SPON1: variants seen among roughly 807,000 people sequenced by gnomAD.
SPON1 encodes spondin-1.
Under a neutral mutation model 111.7 loss-of-function variants are expected in SPON1, and 52 were observed. The observed-to-expected ratio is 0.47, with a 90% CI of 0.37 to 0.59. The LOEUF (loss-of-function observed/expected upper bound fraction) is 0.59, where lower values mean the gene tolerates loss of function less well. SPON1 is among the 20% of genes least tolerant of loss of function. The pLI, the probability that SPON1 is intolerant of heterozygous loss-of-function variation, is 0.00. For synonymous variants in SPON1, 410 were observed against 395.8 expected (o/e 1.04, Z -0.43); for missense variants, 957 against 1,068.5 (o/e 0.90, Z 1.46).
chr11:13,973,517 C>T (rs968765870), intron 1 of SPON1, among the ~76,000 whole-genome samples: 1 of 152,192 alleles, frequency 6.6e-6, no homozygotes, highest in Non-Finnish European at 1.5e-5. Context: ...AGCTGTTCCA[C>T]GACGAGGTCA....
chr11:14,018,815 A>G (rs555682209), intron 2 of SPON1, among the ~76,000 whole-genome samples: 109 of 152,356 alleles, frequency 7.2e-4, no homozygotes, highest in Non-Finnish European at 1.3e-3. Context: ...CCAGTAGACC[A>G]GGCAAGTTCA....
At chr11:14,099,640 A>ATTTACATC (rs1366228547) in intron 5 of SPON1, among the ~76,000 whole-genome samples, 1 of 152,116 alleles carries the variant, frequency 6.6e-6, no homozygotes, top group Non-Finnish European at 1.5e-5. Context: ...GAGAGTTTTG[A>ATTTACATC]TTTACATCTT....
chr11:14,220,231 G>T (rs1848667000), intron 6 of SPON1, among the ~76,000 whole-genome samples: 1 of 152,182 alleles, frequency 6.6e-6, no homozygotes, highest in Admixed American at 6.5e-5. Flanking sequence ...GTGTGAGCCA[G>T]TTCCTCTGGT....
intron 5 of SPON1, among the ~76,000 whole-genome samples, chr11:14,130,328 G>A (rs936153926): frequency 3.3e-5 from 5 of 152,196 alleles, no homozygotes; most frequent in East Asian, 1.9e-4. Flanking sequence ...CTAGGTTGTG[G>A]TGGGTGCTGA....
At chr11:14,097,690 C>T (rs961428549) in intron 5 of SPON1, among the ~76,000 whole-genome samples, 4 of 152,168 alleles carry the variant, frequency 2.6e-5, no homozygotes, top group African/African-American at 7.2e-5. Context: ...GACTTGAACC[C>T]ATCCTTGAAC....
Position 14,135,646 on chromosome 11 carries a change from T to A in SPON1, c.825+78T>A. 1 of 1,461,290 alleles carries A rather than the reference T, an allele frequency of 6.8e-7. No homozygotes were observed. Among genetic ancestry groups the A allele is most frequent in the African/African-American group, 1.4e-5 (1 of 71,820 alleles). The allele number at this position is 1,461,290 out of a possible 1,614,324, so 90.5% of individuals were successfully genotyped here. Reference sequence around the variant, plus strand: ...CTCCTTAGATATCTTTCCCAGGGGCTTGAAATTTGCAGTACAATGTGGTGG... The same window carrying A: ...CTCCTTAGATATCTTTCCCAGGGGCATGAAATTTGCAGTACAATGTGGTGG... On this transcript the variant is annotated intron_variant, in intron 6 of 15. Coordinates refer to ENST00000576479, the MANE Select transcript of SPON1 (RefSeq NM_006108.4). The surrounding 1 kb of genome is among the most constrained non-coding windows in gnomAD (Gnocchi z 4.4).
chr11:14,039,245 C>G lies in SPON1; in HGVS notation c.346-2276C>G, dbSNP rs114027050. Among the ~76,000 whole-genome samples the G allele has an allele frequency of 7.4e-3, 1,124 of 152,264 alleles. 17 individuals carry two copies. Among genetic ancestry groups the G allele is most frequent in the African/African-American group, 0.026 (1,093 of 41,542 alleles). On this transcript the variant is annotated intron_variant, in intron 2 of 15. Coordinates refer to ENST00000576479, the MANE Select transcript of SPON1 (RefSeq NM_006108.4). ...GCCAGTGAAACTATTTCATATGATA[C>G]TACAATGGTGGATACATCTCATTAT...
chr11:13,982,297 C>A (rs941929180), intron 1 of SPON1, among the ~76,000 whole-genome samples: 1 of 152,038 alleles, frequency 6.6e-6, no homozygotes, highest in African/African-American at 2.4e-5. Flanking sequence ...CTGCAGGGGG[C>A]TACTGTATAT....
chr11:14,046,440 A>G (rs1404341646), intron 3 of SPON1, among the ~76,000 whole-genome samples: 1 of 152,200 alleles, frequency 6.6e-6, no homozygotes, highest in Admixed American at 6.5e-5. Flanking sequence ...GGGAAATTGA[A>G]ATCTACCTAT....
intron 5 of SPON1, among the ~76,000 whole-genome samples, chr11:14,106,172 G>A (rs1331678928): frequency 6.6e-6 from 1 of 152,158 alleles, no homozygotes. Context: ...ATTTAAGCAC[G>A]ATGACAACCC....
chr11:14,035,180 G>A (rs533107385), intron 2 of SPON1, among the ~76,000 whole-genome samples: 77 of 152,246 alleles, frequency 5.1e-4, no homozygotes, highest in Non-Finnish European at 5.9e-4. Context: ...GACTAGGATT[G>A]GCTAGAGAGA....
At chr11:13,998,992 T>C (rs184304802) in intron 2 of SPON1, among the ~76,000 whole-genome samples, 2 of 152,312 alleles carry the variant, frequency 1.3e-5, no homozygotes, top group East Asian at 3.9e-4. Flanking sequence ...ATCTTTAAAA[T>C]GAGAGTGATG....
intron 6 of SPON1, among the ~76,000 whole-genome samples, chr11:14,232,438 C>A (rs1768361679): frequency 6.6e-6 from 1 of 152,152 alleles, no homozygotes; most frequent in African/African-American, 2.4e-5. Context: ...CCCCAGCAAC[C>A]CAACCCACAT....
intron 3 of SPON1, among the ~76,000 whole-genome samples, chr11:14,058,082 T>A (rs1400619084): frequency 6.6e-6 from 1 of 152,022 alleles, no homozygotes; most frequent in East Asian, 1.9e-4. Context: ...AGAGCTATAT[T>A]GACATCTTTC....
intron 1 of SPON1, among the ~76,000 whole-genome samples, chr11:13,971,774 A>T (rs2133774835): frequency 6.6e-6 from 1 of 152,232 alleles, no homozygotes; most frequent in African/African-American, 2.4e-5. Flanking sequence ...GGACACACTC[A>T]TTTAGTGACC....
intron 6 of SPON1, among the ~76,000 whole-genome samples, chr11:14,164,966 C>T (rs1171964362): frequency 1.3e-5 from 2 of 152,164 alleles, no homozygotes; most frequent in African/African-American, 4.8e-5. Flanking sequence ...ATATCTCAAG[C>T]ACTGATCTTA....
At chr11:14,157,746 T>G (rs1847866144) in intron 6 of SPON1, among the ~76,000 whole-genome samples, 1 of 152,132 alleles carries the variant, frequency 6.6e-6, no homozygotes, top group African/African-American at 2.4e-5. Context: ...CCCTCCATAC[T>G]TTAGCGTGGA....
Position 14,260,738 on chromosome 11 carries a change from T to C in SPON1, c.1982T>C (p.Met661Thr). The C allele has an allele frequency of 1.9e-6, 3 of 1,613,772 alleles. No individual in the cohort carries two copies. The highest frequency in any genetic ancestry group is 8.5e-7 in the Non-Finnish European group (1 of 1,179,768). ...GATCTGGAGCAGGTGGAGAAGTGCA[T>C]GCTCCCTGAATGCCGTAAGTCCTGG... ...NEDLEQVEKC[M>T]LPECPIDCEL... is the part of the protein sequence containing the mutation. Residue 661 changes from methionine (M) to threonine (T), a missense_variant, in exon 14 of 16, where the codon ATG becomes ACG. This residue lies in a region of SPON1 where 549 missense variants were observed against 606.2 expected (regional missense o/e 0.91). Coordinates refer to ENST00000576479, the MANE Select transcript of SPON1 (RefSeq NM_006108.4).
intron 2 of SPON1, among the ~76,000 whole-genome samples, chr11:13,994,953 A>G (rs541068730): frequency 6.6e-6 from 1 of 152,352 alleles, no homozygotes; most frequent in Admixed American, 6.5e-5. Flanking sequence ...ATATTGAAAT[A>G]TAAAATATAC....
Sources: gnomAD v4.1 joint callset for allele counts (sites outside exome capture counted in the v4.1 genomes callset) on GRCh38, gnomAD v4.1.1 for gene constraint, gnomAD v4.1.1 regional missense constraint, Gnocchi (gnomAD v3.1) non-coding constraint, MANE v1.5 for transcripts, NCBI Gene and HGNC (gene_info 2026-07-23, HGNC 2026-07-21) for gene names.